S100PBP: variants seen among roughly 807,000 people sequenced by gnomAD.
The protein encoded by S100PBP is S100P binding protein.
In S100PBP, 15 loss-of-function variants were observed where a neutral mutation model predicts 39.9. The ratio of observed to expected loss-of-function variants is 0.38; its 90% confidence interval spans 0.25 to 0.58. The LOEUF (loss-of-function observed/expected upper bound fraction) is 0.58, where lower values mean the gene tolerates loss of function less well. Ranked by LOEUF, S100PBP falls within the 20% of genes least tolerant of loss-of-function variation. S100PBP has a pLI of 0.70. For missense variants in S100PBP, 504 were observed against 487.3 expected (o/e 1.03, Z -0.32); for synonymous variants, 178 against 180.3 (o/e 0.99, Z 0.10).
At position 32,830,002 on chromosome 1, in the gene S100PBP, A is replaced by G. The variant is rs35971202; in HGVS notation, c.959A>G (p.Gln320Arg). 5.3e-5 allele frequency: 86 copies of G among 1,614,110 alleles called. No homozygotes were observed. The African/African-American group carries it at 9.5e-4, about 18-fold the overall frequency. The change falls in exon 5 of 7, where the codon CAG becomes CGG. Residue 320 changes from glutamine to arginine, a missense_variant. Transcript: ENST00000373475. ...VPTFSQSNLEQQKQLYLRSVI... is the reference protein window; with the variant it reads ...VPTFSQSNLERQKQLYLRSVI... Reference sequence around the variant, plus strand: ...ACGTTTTCACAGTCAAATCTAGAACAGCAGAAGCAGCTTTATCTCAGGAGT... The same window carrying G: ...ACGTTTTCACAGTCAAATCTAGAACGGCAGAAGCAGCTTTATCTCAGGAGT...
chr1:32,849,520 AGTACGTAGCAC>A (rs1640524040), intron 5 of S100PBP, among the ~76,000 whole-genome samples: 1 of 152,258 alleles, frequency 6.6e-6, no homozygotes, highest in Non-Finnish European at 1.5e-5. Flanking sequence ...CAGTTAGCAA[AGTACGTAGCAC>A]GTAAGAAGTG....
At chr1:32,820,789 C>T (rs1639021821) in intron 1 of S100PBP, among the ~76,000 whole-genome samples, 1 of 152,008 alleles carries the variant, frequency 6.6e-6, no homozygotes, top group South Asian at 2.1e-4. Flanking sequence ...GATCGCTTGA[C>T]TCCAGGAGTT....
chr1:32,841,367 T>A (rs184753759), intron 5 of S100PBP, among the ~76,000 whole-genome samples: 22 of 152,148 alleles, frequency 1.4e-4, no homozygotes, highest in African/African-American at 5.3e-4. Flanking sequence ...TTGTTTATTT[T>A]TATTTATTTA....
rs997634108 is a variant in S100PBP, at chr1:32,853,290, A to G, written c.1112+124A>G. On this transcript the variant is annotated intron_variant, in intron 6 of 6. Coordinates refer to ENST00000373475, the MANE Select transcript of S100PBP (RefSeq NM_022753.4). ...GTCGTTTGAGACCATCCTGGCTAAC[A>G]TGGTGAAACCCCATATCTACCAAAA... 4.1e-5 allele frequency: 10 copies of G among 241,260 alleles called. No individual in the cohort carries two copies. The South Asian group carries it at 4.6e-4, about 11-fold the overall frequency. The allele number at this position is 241,260 out of a possible 1,614,324, so 14.9% of individuals were successfully genotyped here.
At chr1:32,853,280 C>T (rs1640692681) in intron 6 of S100PBP, 114 bp downstream of exon 6, 1 of 87,986 alleles carries the variant, frequency 1.1e-5, no homozygotes, top group Non-Finnish European at 2.2e-5. Context: ...TTGAGACCAT[C>T]CTGGCTAACA....
intron 5 of S100PBP, chr1:32,836,452 T>G (rs2148662662): frequency 1.3e-6 from 1 of 746,112 alleles, no homozygotes; most frequent in Non-Finnish European, 1.6e-6. Context: ...TTTTTGTTTG[T>G]TTTTTTTTAT....
intron 1 of S100PBP, among the ~76,000 whole-genome samples, chr1:32,820,072 T>C (rs2148627982): frequency 6.6e-6 from 1 of 151,890 alleles, no homozygotes; most frequent in East Asian, 1.9e-4. Context: ...TAGAGTATAT[T>C]AGATAATTTC....
intron 5 of S100PBP, among the ~76,000 whole-genome samples, chr1:32,849,569 C>G (rs1486311360): frequency 6.6e-6 from 1 of 152,172 alleles, no homozygotes; most frequent in Non-Finnish European, 1.5e-5. Context: ...CCCATTATCT[C>G]TAGATCATTA....
chr1:32,819,140 T>G (rs1212622403), intron 1 of S100PBP, among the ~76,000 whole-genome samples: 2 of 150,242 alleles, frequency 1.3e-5, no homozygotes, highest in Non-Finnish European at 3.0e-5. Context: ...GAGGGGGTGG[T>G]AAACTGAAGT....
At chr1:32,843,287 GT>G (rs1221962015) in intron 5 of S100PBP, 1 of 151,436 alleles carries the variant, frequency 6.6e-6, no homozygotes, top group Non-Finnish European at 1.5e-5. Context: ...AGAACCTCCA[GT>G]TAAGTACAAA....
chr1:32,826,314 C>G lies in S100PBP; in HGVS notation c.215C>G (p.Ser72Cys). 1 of 1,614,108 alleles carries G rather than the reference C, an allele frequency of 6.2e-7. No individual in the cohort carries two copies. The highest frequency in any genetic ancestry group is 8.5e-7 in the Non-Finnish European group (1 of 1,180,010). ...GAAGATGACCCATCATATGAGCAGT[C>G]TTCTGGGGAAGATGATGGTGGGCAT... ...LKEDDPSYEQ[S>C]SGEDDGGHVE... Residue 72 changes from serine to cysteine, a missense_variant, in exon 3 of 7, where the codon TCT (serine) becomes TGT (cysteine). Coordinates refer to ENST00000373475, the MANE Select transcript of S100PBP (RefSeq NM_022753.4).
chr1:32,829,251 T>G (rs1185745744), intron 4 of S100PBP, among the ~76,000 whole-genome samples: 1 of 152,180 alleles, frequency 6.6e-6, no homozygotes. Context: ...CAGAAATTGC[T>G]CTCACCAAGG....
intron 6 of S100PBP, among the ~76,000 whole-genome samples, chr1:32,853,405 A>G (rs1414740259): frequency 1.3e-5 from 2 of 150,248 alleles, no homozygotes; most frequent in African/African-American, 2.4e-5. Flanking sequence ...CTGGTGGCGA[A>G]GGTTGCAGTG....
intron 3 of S100PBP, 106 bp from the exon 4 acceptor site, chr1:32,827,887 G>C (rs1415698220): frequency 1.4e-6 from 1 of 732,578 alleles, no homozygotes; most frequent in African/African-American, 1.8e-5. Flanking sequence ...TCACGAATAG[G>C]CTTTTGTAGC....
chr1:32,832,021 A>C (rs916185636), intron 5 of S100PBP, among the ~76,000 whole-genome samples: 1 of 152,230 alleles, frequency 6.6e-6, no homozygotes, highest in African/African-American at 2.4e-5. Flanking sequence ...GAATAACTAT[A>C]GTGAATAGGC....
chr1:32,817,368 G>T, upstream of S100PBP: 1 of 1,286,020 alleles, frequency 7.8e-7, no homozygotes. Context: ...TGGGCTCGGC[G>T]CTCCGCTTAC....
At chr1:32,838,348 A>AG (rs1257551521) in intron 5 of S100PBP, among the ~76,000 whole-genome samples, 4 of 151,284 alleles carry the variant, frequency 2.6e-5, no homozygotes, top group Non-Finnish European at 5.9e-5. Flanking sequence ...AAAAAAAAAA[A>AG]AAAAAGAAAA....
At chr1:32,817,318 G>T, upstream of S100PBP, 1 of 1,584,586 alleles carries the variant, frequency 6.3e-7, no homozygotes. Flanking sequence ...GCCGCCGCGT[G>T]CCGGGAACTG....
At chr1:32,817,317 T>C, upstream of S100PBP, 1 of 1,586,808 alleles carries the variant, frequency 6.3e-7, no homozygotes, top group Non-Finnish European at 8.6e-7. Context: ...CGCCGCCGCG[T>C]GCCGGGAACT....
Sources: gnomAD v4.1 joint callset for allele counts (sites outside exome capture counted in the v4.1 genomes callset) on GRCh38, gnomAD v4.1.1 for gene constraint, MANE v1.5 for transcripts, NCBI Gene and HGNC (gene_info 2026-07-23, HGNC 2026-07-21) for gene names.